Variants in SDCBP observed in about 807,000 individuals in gnomAD.
SDCBP encodes syntenin-1.
Under a neutral mutation model 30.5 loss-of-function variants are expected in SDCBP, and 22 were observed. That is an observed-to-expected ratio of 0.72 (90% confidence interval 0.52 to 1.03). The LOEUF is 1.03. Among genes scored for constraint, SDCBP ranks in the 50% least tolerant of loss-of-function variants. The pLI, the probability that SDCBP is intolerant of heterozygous loss-of-function variation, is 0.00. For synonymous variants in SDCBP, 103 were observed against 118.7 expected (o/e 0.87, Z 0.86); for missense variants, 304 against 369.9 (o/e 0.82, Z 1.46).
chr8:58,575,847 T>G (rs1805281572), intron 4 of SDCBP, 53 bp from the exon 5 acceptor site: 3 of 1,453,554 alleles, frequency 2.1e-6, no homozygotes, highest in Non-Finnish European at 2.8e-6. Context: ...TATCATTGTT[T>G]TTTTCAAGGA....
In SDCBP at chr8:58,579,703, C is replaced by G; in HGVS notation, c.659C>G (p.Ser220Cys). The G allele has an allele frequency of 6.2e-7, 1 of 1,611,934 alleles. No individual in the cohort carries two copies. Among genetic ancestry groups the G allele is most frequent in the South Asian group, 1.1e-5 (1 of 90,832 alleles). The stretch of plus-strand genomic sequence containing the variant: ...ATCTTTAAAAATGGAAAAATAACAT[C>G]CATAGTGAAAGATAGCTCTGCAGCC... Reference protein sequence around the residue: ...GFIFKNGKITSIVKDSSAARN... With the variant: ...GFIFKNGKITCIVKDSSAARN... Residue 220 changes from serine to cysteine, a missense_variant, in exon 7 of 9, where the codon TCC becomes TGC. Transcript: ENST00000260130.
At chr8:58,577,147 T>C (rs1275550014) in intron 5 of SDCBP, among the ~76,000 whole-genome samples, 1 of 152,254 alleles carries the variant, frequency 6.6e-6, no homozygotes. Flanking sequence ...TAGGTAATAG[T>C]TGCAGTGGAT....
chr8:58,565,729 A>G (rs1804673006), intron 2 of SDCBP, among the ~76,000 whole-genome samples: 1 of 152,058 alleles, frequency 6.6e-6, no homozygotes, highest in Admixed American at 6.6e-5. Context: ...AGGAATTGGG[A>G]CCAATTCTGG....
intron 4 of SDCBP, among the ~76,000 whole-genome samples, chr8:58,572,568 A>G (rs1453699428): frequency 6.6e-6 from 1 of 152,092 alleles, no homozygotes; most frequent in Non-Finnish European, 1.5e-5. Context: ...GCATTTAGTC[A>G]GTTACTAAGT....
At position 58,572,738 on chromosome 8, in the gene SDCBP, G is replaced by A. The variant is rs531334379; in HGVS notation, c.240+424G>A. 9.3e-5 allele frequency among the ~76,000 whole-genome samples: 14 copies of A among 149,968 alleles called. No homozygotes were observed. The South Asian group carries it at 1.5e-3, about 16-fold the overall frequency. ...AACTTATTTCAGACAGTACTAAGCC[G>A]CTGCTAAGTTAATCATTCTGAAATA... is the stretch of plus-strand genomic sequence containing the variant. On this transcript the variant is annotated intron_variant, in intron 4 of 8. Transcript: ENST00000260130.
chr8:58,561,486 CA>C (rs1248414093), intron 1 of SDCBP: 2 of 305,648 alleles, frequency 6.5e-6, no homozygotes, highest in Non-Finnish European at 1.2e-5. Context: ...TTGTCATATA[CA>C]AAGGAGATTC....
Position 58,553,265 on chromosome 8 carries a change from A to AC in SDCBP, c.-52dup, listed in dbSNP as rs1803904598. The AC allele has an allele frequency of 6.5e-6, 1 of 153,848 alleles. No individual in the cohort carries two copies. 9.5% of individuals were successfully genotyped at this position (153,848 alleles called of 1,614,324 possible). A position where few individuals can be genotyped will look rare whatever the true frequency, so the allele number is the denominator to read the frequency against. ...CGGGCCTCAGAAGTCCGTGCCAGTG[A>AC]CCGGAGGCGGCGGCGGCGAGCGGTT... On this transcript the variant is annotated 5_prime_UTR_variant, in exon 1 of 9. Transcript: ENST00000260130.
chr8:58,575,869 G>T (rs761764020), intron 4 of SDCBP, 31 bp from the exon 5 acceptor site: 2 of 1,553,084 alleles, frequency 1.3e-6, no homozygotes, highest in Non-Finnish European at 1.8e-6. Flanking sequence ...AGTGTTTCTA[G>T]ATATTGACAC....
intron 1 of SDCBP, among the ~76,000 whole-genome samples, chr8:58,562,927 A>G (rs1804514649): frequency 6.6e-6 from 1 of 152,204 alleles, no homozygotes; most frequent in Non-Finnish European, 1.5e-5. Flanking sequence ...TAAATCATAT[A>G]TGATAGTGGT....
chr8:58,560,287 C>T, intron 1 of SDCBP: 1 of 152,458 alleles, frequency 6.6e-6, no homozygotes. Context: ...ATTCCAGGTG[C>T]CCAGGAGCCA....
chr8:58,578,273 A>G, intron 6 of SDCBP, 65 bp downstream of exon 6: 1 of 1,165,576 alleles, frequency 8.6e-7, no homozygotes, highest in Non-Finnish European at 1.2e-6. Context: ...TTGGGCTTTC[A>G]GAGTTTGTGA....
intron 1 of SDCBP, among the ~76,000 whole-genome samples, chr8:58,562,758 A>T (rs575146348): frequency 6.6e-6 from 1 of 152,316 alleles, no homozygotes; most frequent in South Asian, 2.1e-4. Flanking sequence ...AAGTCTTCAT[A>T]ACCTTGAGTT....
At chr8:58,578,327 G>A in intron 6 of SDCBP, 119 bp downstream of exon 6, 1 of 684,958 alleles carries the variant, frequency 1.5e-6, no homozygotes, top group Non-Finnish European at 2.3e-6. Context: ...TTATTGATGA[G>A]CCTTATAGTC....
At chr8:58,557,684 G>A (rs1804223105) in intron 1 of SDCBP, among the ~76,000 whole-genome samples, 1 of 151,846 alleles carries the variant, frequency 6.6e-6, no homozygotes, top group South Asian at 2.1e-4. Context: ...TGTAGTGTGG[G>A]CCAAACCTGG....
At chr8:58,562,074 T>A (rs201737143) in intron 1 of SDCBP, among the ~76,000 whole-genome samples, 2 of 143,772 alleles carry the variant, frequency 1.4e-5, no homozygotes, top group South Asian at 2.2e-4. Flanking sequence ...GCATATCTAT[T>A]AAAAAAAAAA....
chr8:58,565,084 G>A lies in SDCBP; in HGVS notation c.51G>A (p.Gln17=), dbSNP rs754427595. The A allele has an allele frequency of 1.3e-6, 2 of 1,533,778 alleles. No homozygotes were observed. Among genetic ancestry groups the A allele is most frequent in the Non-Finnish European group, 1.8e-6 (2 of 1,118,544 alleles). Residue 17 remains glutamine (Q), a splice_region_variant and synonymous_variant, in exon 2 of 9, where the codon CAG becomes CAA. Transcript: ENST00000260130. ...ACTTGAAGGTAGACAAAGTAATTCA[G>A]GTATGATAGTTTAAATACTTTTGTC... is the stretch of plus-strand genomic sequence containing the variant. ...LEDLKVDKVI[Q]AQTAFSANPA...
chr8:58,569,269 C>CA (rs1355437488), intron 2 of SDCBP, among the ~76,000 whole-genome samples: 1 of 152,220 alleles, frequency 6.6e-6, no homozygotes, highest in African/African-American at 2.4e-5. Flanking sequence ...AACATGACAA[C>CA]ATGCCATGTT....
At position 58,579,863 on chromosome 8, in the gene SDCBP, G is replaced by GGTGGC. The variant is rs1333535489; in HGVS notation, c.750+71_750+75dup. The GGTGGC allele has an allele frequency of 4.2e-6, 6 of 1,425,906 alleles. No homozygotes were observed. The African/African-American group carries it at 7.2e-5, about 17-fold the overall frequency. 88.3% of individuals were successfully genotyped at this position (1,425,906 alleles called of 1,614,324 possible). On this transcript the variant is annotated intron_variant, in intron 7 of 8. Coordinates refer to ENST00000260130, the MANE Select transcript of SDCBP (RefSeq NM_005625.4). The stretch of plus-strand genomic sequence containing the variant: ...AATGTCTGTCTTTTGACTGTATTTA[G>GGTGGC]GTGGCGCTGTTTTCATATTGACTTA...
chr8:58,554,797 A>G (rs1385879186), intron 1 of SDCBP, among the ~76,000 whole-genome samples: 1 of 152,208 alleles, frequency 6.6e-6, no homozygotes, highest in Non-Finnish European at 1.5e-5. Flanking sequence ...ACTTTGAAAT[A>G]CTTTCTACTT....
Sources: gnomAD v4.1 joint callset for allele counts (sites outside exome capture counted in the v4.1 genomes callset) on GRCh38, gnomAD v4.1.1 for gene constraint, MANE v1.5 for transcripts, NCBI Gene and HGNC (gene_info 2026-07-23, HGNC 2026-07-21) for gene names.